The following LRP1B variants were observed in gnomAD, a reference collection of about 807,000 sequenced individuals.
LRP1B encodes the protein low-density lipoprotein receptor-related protein 1B.
A neutral mutation model predicts 556.6 loss-of-function variants in LRP1B; 217 were observed. That is an observed-to-expected ratio of 0.39 (90% CI 0.35 to 0.44). The LOEUF (loss-of-function observed/expected upper bound fraction) is 0.44. Ranked by LOEUF, LRP1B falls within the 20% of genes least tolerant of loss-of-function variation. The pLI, the probability that LRP1B is intolerant of heterozygous loss-of-function variation, is 1.00. For synonymous variants in LRP1B, 2,047 were observed against 1,865.8 expected, an observed-to-expected ratio of 1.10 and a Z score of -2.50; for missense variants, 5,053 against 5,620.8, an observed-to-expected ratio of 0.90 and a Z score of 3.23.
At chr2:140,760,227 G>C (rs1352038522) in intron 35 of LRP1B, among the ~76,000 whole-genome samples, 1 of 152,108 alleles carries the variant, frequency 6.6e-6, no homozygotes, top group Non-Finnish European at 1.5e-5. Flanking sequence ...AATAATCTTA[G>C]ATTTTGCCCT....
chr2:141,554,105 A>C (rs1347123249), intron 2 of LRP1B, among the ~76,000 whole-genome samples: 1 of 143,706 alleles, frequency 7.0e-6, no homozygotes, highest in Non-Finnish European at 1.5e-5. Flanking sequence ...ATATATCTAT[A>C]TTAATAGACA....
At chr2:141,621,596 AT>A (rs1305702924) in intron 2 of LRP1B, among the ~76,000 whole-genome samples, 8 of 152,324 alleles carry the variant, frequency 5.3e-5, no homozygotes, top group African/African-American at 1.9e-4. Context: ...TTGGATAATA[AT>A]TGATACATCT....
At chr2:142,011,873 T>C (rs1481260623) in intron 1 of LRP1B, among the ~76,000 whole-genome samples, 2 of 152,186 alleles carry the variant, frequency 1.3e-5, no homozygotes, top group African/African-American at 2.4e-5. Context: ...GTTTTGTTTT[T>C]AGGTGAGAGT....
At position 140,475,320 on chromosome 2, in the gene LRP1B, T is replaced by A. The variant is rs1687928582; in HGVS notation, c.9443A>T (p.Asp3148Val). The change falls in exon 60 of 91, where the codon GAC (aspartate) becomes GTC (valine). Residue 3148 changes from aspartate to valine, a missense_variant. Coordinates refer to ENST00000389484, the MANE Select transcript of LRP1B (RefSeq NM_018557.3). ...GCCAATATGAGGATACTCGCAGCAG[T>A]CAATCCAATACAAATATCTAGGAAA... ...DPQAGYLYWI[D>V]CCEYPHIGRV... is the part of the protein sequence containing the mutation. 1 of 1,604,392 alleles carries A rather than the reference T, an allele frequency of 6.2e-7. No homozygotes were observed. The highest frequency in any genetic ancestry group is 1.3e-5 in the African/African-American group (1 of 74,612).
At chr2:141,069,617 C>T (rs935268950) in intron 7 of LRP1B, among the ~76,000 whole-genome samples, 6 of 152,036 alleles carry the variant, frequency 3.9e-5, no homozygotes, top group Non-Finnish European at 7.4e-5. Flanking sequence ...TGCCCACTTG[C>T]TCATTTCTGT....
At chr2:141,062,684 G>A (rs868401786) in intron 7 of LRP1B, among the ~76,000 whole-genome samples, 1 of 151,744 alleles carries the variant, frequency 6.6e-6, no homozygotes, top group African/African-American at 2.4e-5. Flanking sequence ...GGTAATGTTT[G>A]TGTCTTATAA....
intron 3 of LRP1B, among the ~76,000 whole-genome samples, chr2:141,464,598 A>ATTTTTTTTTT (rs199589153): frequency 8.2e-5 from 6 of 73,270 alleles, no homozygotes; most frequent in East Asian, 6.1e-4. Context: ...ATATATATAT[A>ATTTTTTTTTT]TATATATATT....
intron 41 of LRP1B, among the ~76,000 whole-genome samples, chr2:140,678,948 T>C (rs1685768537): frequency 6.6e-6 from 1 of 152,124 alleles, no homozygotes; most frequent in Admixed American, 6.5e-5. Context: ...CTGCTAATTT[T>C]CATGTTTTTG....
intron 2 of LRP1B, among the ~76,000 whole-genome samples, chr2:141,567,125 T>G (rs550449227): frequency 4.6e-5 from 7 of 152,292 alleles, no homozygotes; most frequent in African/African-American, 1.7e-4. Flanking sequence ...AAATAAAACT[T>G]TTTAAAAGGG....
chr2:140,954,703 A>C (rs546002033), intron 18 of LRP1B, among the ~76,000 whole-genome samples: 43 of 152,086 alleles, frequency 2.8e-4, no homozygotes, highest in Non-Finnish European at 5.0e-4. Flanking sequence ...TTCAACCTCT[A>C]AGAAAATGAG....
chr2:141,036,786 T>C (rs1043501587), intron 11 of LRP1B, among the ~76,000 whole-genome samples: 5 of 151,820 alleles, frequency 3.3e-5, no homozygotes, highest in African/African-American at 1.2e-4. Flanking sequence ...CAGGGAAGAA[T>C]AGGAGCGAAA....
intron 42 of LRP1B, among the ~76,000 whole-genome samples, chr2:140,600,589 C>G (rs182427689): frequency 7.4e-4 from 113 of 152,024 alleles, no homozygotes; most frequent in African/African-American, 2.5e-3. Flanking sequence ...ACGAACTCTT[C>G]TAGCTCTTCT....
chr2:140,590,472 C>G (rs1682176266), intron 43 of LRP1B, among the ~76,000 whole-genome samples: 1 of 151,666 alleles, frequency 6.6e-6, no homozygotes, highest in Non-Finnish European at 1.5e-5. Flanking sequence ...TACTTGGAGA[C>G]ATGACCATTA....
At chr2:141,546,547 A>G (rs1364710488) in intron 2 of LRP1B, among the ~76,000 whole-genome samples, 1 of 152,168 alleles carries the variant, frequency 6.6e-6, no homozygotes, top group Non-Finnish European at 1.5e-5. Context: ...ACTCTTATTC[A>G]GTGTCTTCAA....
intron 2 of LRP1B, among the ~76,000 whole-genome samples, chr2:141,688,123 A>G (rs1332216881): frequency 6.6e-6 from 1 of 151,884 alleles, no homozygotes; most frequent in East Asian, 1.9e-4. Flanking sequence ...ACAAATTAGA[A>G]CAAATACAAG....
intron 83 of LRP1B, among the ~76,000 whole-genome samples, chr2:140,304,749 G>A (rs1220179930): frequency 1.3e-5 from 2 of 152,120 alleles, no homozygotes; most frequent in Non-Finnish European, 2.9e-5. Flanking sequence ...GTCCTGAATG[G>A]TATTGCCTAG....
rs544346340 is a variant in LRP1B, at chr2:141,159,767, A to G, written c.1013+28654T>C. Among the ~76,000 whole-genome samples the G allele has an allele frequency of 2.0e-5, 3 of 152,320 alleles. No homozygotes were observed. In the South Asian group the frequency reaches 6.2e-4, roughly 32 times the overall value. On this transcript the variant is annotated intron_variant, in intron 7 of 90. Coordinates refer to ENST00000389484, the MANE Select transcript of LRP1B (RefSeq NM_018557.3). ...AAGATGTATTGTTCAACATTTTAGC[A>G]TTTTGCTAGAACAAAACAAATTTAG...
At position 140,280,888 on chromosome 2, in the gene LRP1B, T is replaced by C. The variant is rs202160355; in HGVS notation, c.12968-6290A>G. Among the ~76,000 whole-genome samples the C allele has an allele frequency of 3.9e-5, 6 of 151,928 alleles. No individual in the cohort carries two copies. The East Asian group carries it at 7.8e-4, about 20-fold the overall frequency. On this transcript the variant is annotated intron_variant, in intron 84 of 90. Coordinates refer to ENST00000389484, the MANE Select transcript of LRP1B (RefSeq NM_018557.3). Reference sequence around the variant, plus strand: ...CCATGAACTTACACAACCCTTTATATTCACAATATAAAAATTTTTATAACC... The same window carrying C: ...CCATGAACTTACACAACCCTTTATACTCACAATATAAAAATTTTTATAACC...
At chr2:140,351,894 C>T (rs926898825) in intron 76 of LRP1B, among the ~76,000 whole-genome samples, 3 of 152,046 alleles carry the variant, frequency 2.0e-5, no homozygotes, top group Non-Finnish European at 4.4e-5. Flanking sequence ...ACTATGGAAA[C>T]TGAACTGAGG....
Sources: allele counts gnomAD v4.1 joint callset (sites outside exome capture counted in the v4.1 genomes callset), GRCh38; gene constraint gnomAD v4.1.1; transcripts MANE v1.5; gene names NCBI Gene and HGNC (gene_info 2026-07-23, HGNC 2026-07-21).